ELL2: variants seen among roughly 807,000 people sequenced by gnomAD.
ELL2 encodes the protein elongation factor for RNA polymerase II 2.
In ELL2, 21 loss-of-function variants were observed where a neutral mutation model predicts 72.8. The ratio of observed to expected loss-of-function variants is 0.29; its 90% CI spans 0.20 to 0.42. ELL2 has a LOEUF of 0.42. ELL2 is among the 10% of genes least tolerant of loss of function. The pLI, the probability that ELL2 is intolerant of heterozygous loss-of-function variation, is 1.00. For missense variants in ELL2, 568 were observed against 772.8 expected (o/e 0.73, Z 3.14); for synonymous variants, 266 against 283.2 (o/e 0.94, Z 0.61).
At chr5:95,889,013 AAG>A (rs113652532) in intron 11 of ELL2, 26 bp from the exon 12 acceptor site, 1 of 1,557,228 alleles carries the variant, frequency 6.4e-7, no homozygotes, top group Non-Finnish European at 8.7e-7. Flanking sequence ...AAAAAAAAAA[AAG>A]AGGAATGAGA....
At chr5:95,921,345 T>A (rs1291021837) in intron 2 of ELL2, among the ~76,000 whole-genome samples, 1 of 152,230 alleles carries the variant, frequency 6.6e-6, no homozygotes, top group Non-Finnish European at 1.5e-5. Flanking sequence ...AGAGCCTCCA[T>A]CATCCATGAA....
At chr5:95,897,416 A>G (rs1471920761) in intron 8 of ELL2, among the ~76,000 whole-genome samples, 2 of 152,250 alleles carry the variant, frequency 1.3e-5, no homozygotes, top group African/African-American at 2.4e-5. Context: ...CATGCAAGGA[A>G]TTAAGTTTTA....
At chr5:95,911,985 G>A (rs569143501) in intron 4 of ELL2, among the ~76,000 whole-genome samples, 1 of 152,278 alleles carries the variant, frequency 6.6e-6, no homozygotes, top group East Asian at 1.9e-4. Flanking sequence ...GCTCTTCTTA[G>A]GAGAGGGGAG....
At chr5:95,939,672 T>C (rs567005094) in intron 2 of ELL2, among the ~76,000 whole-genome samples, 1 of 152,308 alleles carries the variant, frequency 6.6e-6, no homozygotes, top group South Asian at 2.1e-4. Flanking sequence ...TCAACAAGCA[T>C]GCAAATACAG....
intron 9 of ELL2, among the ~76,000 whole-genome samples, chr5:95,892,108 T>G (rs1002715824): frequency 6.6e-6 from 1 of 152,130 alleles, no homozygotes; most frequent in East Asian, 1.9e-4. Flanking sequence ...ATAAGTAAAT[T>G]AAAACAGCAT....
At chr5:95,946,402 C>A (rs1751160875) in intron 1 of ELL2, among the ~76,000 whole-genome samples, 1 of 152,044 alleles carries the variant, frequency 6.6e-6, no homozygotes, top group South Asian at 2.1e-4. Context: ...GCCACTCTGC[C>A]CCAAACTCCC....
chr5:95,943,076 C>T (rs1185727124), intron 1 of ELL2, 27 bp from the exon 2 acceptor site: 1 of 1,584,520 alleles, frequency 6.3e-7, no homozygotes, highest in Non-Finnish European at 8.6e-7. Context: ...AAGAAACAAA[C>T]AGGTAAACCT....
chr5:95,889,908 G>T (rs1480688420), intron 10 of ELL2, among the ~76,000 whole-genome samples: 2 of 135,192 alleles, frequency 1.5e-5, no homozygotes, highest in African/African-American at 5.3e-5. Flanking sequence ...TCAGGTGCCT[G>T]GGGGGGATAA....
chr5:95,950,499 CAAT>C lies in ELL2; in HGVS notation c.148-7453_148-7451del, dbSNP rs138597962. On this transcript the variant is annotated intron_variant, in intron 1 of 11. Transcript: ENST00000237853. ...AATACACTCAGCTCTTGTTAAAAGC[CAAT>C]AATATGCTTAGAATAATACATGATA... 4.9e-4 allele frequency among the ~76,000 whole-genome samples: 75 copies of C among 152,134 alleles called. 2 individuals carry two copies. The East Asian group carries it at 0.014, about 27-fold the overall frequency.
At chr5:95,926,635 G>C (rs1461433449) in intron 2 of ELL2, among the ~76,000 whole-genome samples, 1 of 152,136 alleles carries the variant, frequency 6.6e-6, no homozygotes, top group African/African-American at 2.4e-5. Context: ...CCTGGATCCA[G>C]TATTAAAATT....
In ELL2 at chr5:95,899,770, G is replaced by A. The variant is rs1031278560; in HGVS notation, c.954+923C>T. 5.3e-5 allele frequency among the ~76,000 whole-genome samples: 8 copies of A among 152,278 alleles called. No homozygotes were observed. In the East Asian group the frequency reaches 1.5e-3, roughly 29 times the overall value. ...GCACCTAGTATATAATTTGATCAGA[G>A]TAGAAGTAGTTTCATAATAGTTGGC... On this transcript the variant is annotated intron_variant, in intron 7 of 11. Transcript: ENST00000237853.
At chr5:95,953,336 T>C (rs1349570440) in intron 1 of ELL2, among the ~76,000 whole-genome samples, 1 of 152,126 alleles carries the variant, frequency 6.6e-6, no homozygotes, top group Non-Finnish European at 1.5e-5. Context: ...TCTTAACTTT[T>C]TATTAAAGAA....
In ELL2 at chr5:95,953,285, T is replaced by C. The variant is rs1751487363; in HGVS notation, c.147+8290A>G. Among the ~76,000 whole-genome samples the C allele has an allele frequency of 2.6e-5, 4 of 152,244 alleles. No homozygotes were observed. The South Asian group carries it at 8.3e-4, about 31-fold the overall frequency. Reference sequence around the variant, plus strand: ...AAATGTCAGAAGATAAATACATGTTTGCTGAGTGAACAAACGAATATTTGG... The same window carrying C: ...AAATGTCAGAAGATAAATACATGTTCGCTGAGTGAACAAACGAATATTTGG... On this transcript the variant is annotated intron_variant, in intron 1 of 11. Transcript: ENST00000237853.
In ELL2 at chr5:95,961,626, C is replaced by T. The variant is rs369265927; in HGVS notation, c.96G>A (p.Val32=). The T allele has an allele frequency of 3.1e-6, 5 of 1,608,820 alleles. No individual in the cohort carries two copies. In the African/African-American group the frequency reaches 5.4e-5, roughly 17 times the overall value. Residue 32 remains valine (V), a synonymous_variant, in exon 1 of 12, where the codon GTG becomes GTA. Transcript: ENST00000237853. ...CCCGGATCGCCGTCTCGGTGAGCTTCACATGCAGTACGGTGATGTTGTCCT... is the reference window on the plus strand; with the variant it reads ...CCCGGATCGCCGTCTCGGTGAGCTTTACATGCAGTACGGTGATGTTGTCCT... The part of the protein sequence containing the change: ...LGQDNITVLH[V]KLTETAIRAL...
At chr5:95,897,741 G>GATGTT in intron 8 of ELL2, among the ~76,000 whole-genome samples, 1 of 152,274 alleles carries the variant, frequency 6.6e-6, no homozygotes, top group South Asian at 2.1e-4. Flanking sequence ...AAATAAAGAT[G>GATGTT]ATGTTATGAA....
chr5:95,896,929 G>C (rs1430203413), intron 8 of ELL2, among the ~76,000 whole-genome samples: 1 of 152,206 alleles, frequency 6.6e-6, no homozygotes, highest in Admixed American at 6.5e-5. Context: ...AAAGTGTGGA[G>C]AGTGGAGTTT....
intron 2 of ELL2, among the ~76,000 whole-genome samples, chr5:95,930,869 T>C (rs559413748): frequency 6.6e-6 from 1 of 152,050 alleles, no homozygotes; most frequent in Non-Finnish European, 1.5e-5. Flanking sequence ...AAATGAACAT[T>C]ACAAAAGTGT....
intron 5 of ELL2, among the ~76,000 whole-genome samples, chr5:95,903,944 G>A (rs1296573677): frequency 2.6e-5 from 4 of 151,956 alleles, no homozygotes; most frequent in Non-Finnish European, 4.4e-5. Flanking sequence ...CACAGATTCC[G>A]TTCTTCCCCT....
At chr5:95,934,000 C>T (rs1750687133) in intron 2 of ELL2, among the ~76,000 whole-genome samples, 1 of 152,166 alleles carries the variant, frequency 6.6e-6, no homozygotes, top group Admixed American at 6.5e-5. Flanking sequence ...CTGTGGAAAT[C>T]TAAGTAAGCA....
Sources: gnomAD v4.1 joint callset for allele counts (sites outside exome capture counted in the v4.1 genomes callset) on GRCh38, gnomAD v4.1.1 for gene constraint, MANE v1.5 for transcripts, NCBI Gene and HGNC (gene_info 2026-07-23, HGNC 2026-07-21) for gene names.